The following IL1RAPL1 variants were observed in gnomAD, a reference collection of about 807,000 sequenced individuals.
The protein encoded by IL1RAPL1 is interleukin 1 receptor accessory protein like 1, also known as interleukin-1 receptor accessory protein-like 1.
IL1RAPL1 carries 3 observed loss-of-function variants against 48.4 expected under a neutral mutation model. The observed-to-expected ratio is 0.06, with a 90% CI of 0.03 to 0.16. The LOEUF is 0.16. Among genes scored for constraint, IL1RAPL1 ranks in the 10% least tolerant of loss-of-function variants. The pLI is 1.00. For missense variants in IL1RAPL1, 349 were observed against 530.6 expected (o/e 0.66, Z 3.36); for synonymous variants, 185 against 187.7 (o/e 0.99, Z 0.12).
intron 6 of IL1RAPL1, among the ~76,000 whole-genome samples, chrX:29,910,992 C>T (rs899687576): frequency 2.7e-5 from 3 of 111,441 alleles, no homozygotes; most frequent in African/African-American, 9.8e-5. Flanking sequence ...ATAAGATTCT[C>T]TTATGGCCTA....
chrX:29,892,408 A>C (rs1932289968), intron 6 of IL1RAPL1, among the ~76,000 whole-genome samples: 1 of 112,539 alleles, frequency 8.9e-6, no homozygotes, highest in African/African-American at 3.2e-5. Context: ...CCTTGAAGCT[A>C]AAATAACAAG....
chrX:29,006,204 T>A (rs2147391427), intron 2 of IL1RAPL1, among the ~76,000 whole-genome samples: 1 of 110,995 alleles, frequency 9.0e-6, no homozygotes, highest in African/African-American at 3.3e-5. Context: ...TTCTTCTTGT[T>A]ACATTTTTGT....
intron 1 of IL1RAPL1, among the ~76,000 whole-genome samples, chrX:28,723,899 C>T (rs1251378888): frequency 2.7e-5 from 3 of 111,719 alleles, no homozygotes; most frequent in African/African-American, 6.5e-5. Context: ...TGTAGTTGGG[C>T]GATTTTGAGT....
chrX:29,926,045 A>G (rs12848050), intron 8 of IL1RAPL1, among the ~76,000 whole-genome samples: 9 of 105,474 alleles, frequency 8.5e-5, no homozygotes, highest in African/African-American at 3.2e-4. Context: ...GTCTCGCTCT[A>G]TCGCACAGGC....
intron 6 of IL1RAPL1, among the ~76,000 whole-genome samples, chrX:29,859,558 T>C (rs1357815209): frequency 1.8e-5 from 2 of 112,181 alleles, no homozygotes; most frequent in Non-Finnish European, 3.8e-5. Context: ...GATGCTGTGA[T>C]AGCATGAATT....
chrX:29,861,621 T>G (rs750019618), intron 6 of IL1RAPL1, among the ~76,000 whole-genome samples: 5 of 110,591 alleles, frequency 4.5e-5, no homozygotes, highest in Admixed American at 1.9e-4. Flanking sequence ...GACGGGTGCA[T>G]CAAAATCTCA....
intron 6 of IL1RAPL1, among the ~76,000 whole-genome samples, chrX:29,779,886 T>C (rs888362177): frequency 9.0e-6 from 1 of 111,320 alleles, no homozygotes; most frequent in African/African-American, 3.3e-5. Flanking sequence ...TTAGAATGCC[T>C]TTTAGCGGGC....
intron 2 of IL1RAPL1, among the ~76,000 whole-genome samples, chrX:28,970,015 A>G (rs1925029903): frequency 9.0e-6 from 1 of 110,750 alleles, no homozygotes; most frequent in Non-Finnish European, 1.9e-5. Context: ...ACATATATAT[A>G]TAAAGATAAA....
At chrX:29,475,291 G>A (rs1934961128) in intron 5 of IL1RAPL1, among the ~76,000 whole-genome samples, 1 of 112,037 alleles carries the variant, frequency 8.9e-6, no homozygotes, top group South Asian at 3.7e-4. Flanking sequence ...CTTGAGACAA[G>A]TATGTAGGAT....
intron 1 of IL1RAPL1, among the ~76,000 whole-genome samples, chrX:28,684,548 T>C (rs1257716016): frequency 8.9e-6 from 1 of 112,242 alleles, no homozygotes; most frequent in East Asian, 2.8e-4. Context: ...TGAATTCCTA[T>C]ACTTTCTTGC....
At chrX:29,563,131 A>T (rs1922294909) in intron 5 of IL1RAPL1, among the ~76,000 whole-genome samples, 2 of 112,301 alleles carry the variant, frequency 1.8e-5, no homozygotes, top group Admixed American at 1.9e-4. Context: ...CTACCTAAGT[A>T]CAAAATAGAG....
intron 6 of IL1RAPL1, among the ~76,000 whole-genome samples, chrX:29,724,296 C>T (rs1015146009): frequency 2.7e-5 from 3 of 111,296 alleles, no homozygotes; most frequent in African/African-American, 9.8e-5. Flanking sequence ...ACCACTCCCT[C>T]AGGAAATCTC....
At chrX:29,853,373 A>C (rs1931413401) in intron 6 of IL1RAPL1, among the ~76,000 whole-genome samples, 1 of 109,914 alleles carries the variant, frequency 9.1e-6, no homozygotes, top group East Asian at 2.9e-4. Flanking sequence ...ATCATAGATC[A>C]CTTGAGCTCA....
intron 3 of IL1RAPL1, among the ~76,000 whole-genome samples, chrX:29,288,643 T>C (rs1932324169): frequency 8.9e-6 from 1 of 112,462 alleles, no homozygotes; most frequent in South Asian, 3.7e-4. Context: ...ATCTTTATAA[T>C]AGAATGATTT....
intron 6 of IL1RAPL1, among the ~76,000 whole-genome samples, chrX:29,782,129 T>TCTAA (rs1929358392): frequency 9.2e-6 from 1 of 109,138 alleles, no homozygotes; most frequent in South Asian, 3.9e-4. Flanking sequence ...TATCTATCTA[T>TCTAA]CTATCTATCT....
chrX:28,971,678 C>T (rs1397925286), intron 2 of IL1RAPL1, among the ~76,000 whole-genome samples: 1 of 110,480 alleles, frequency 9.1e-6, no homozygotes, highest in African/African-American at 3.3e-5. Flanking sequence ...AAAAATGTAA[C>T]CTAGGATTTG....
At chrX:29,627,682 C>T (rs1031786876) in intron 5 of IL1RAPL1, among the ~76,000 whole-genome samples, 12 of 111,535 alleles carry the variant, frequency 1.1e-4, no homozygotes, top group African/African-American at 3.3e-4. Context: ...AAGCCATTCT[C>T]AGCCCCATCT....
rs866688422 is a variant in IL1RAPL1, at chrX:29,006,645, A to G, written c.82+217220A>G. On this transcript the variant is annotated intron_variant, in intron 2 of 10. Coordinates refer to ENST00000378993, the MANE Select transcript of IL1RAPL1 (RefSeq NM_014271.4). ...TGCCCACATTTGTGTGTGTTTATAT[A>G]TATGTGTGTGTGTGTGTGTGTGTGT... is the stretch of plus-strand genomic sequence containing the variant. Among the ~76,000 whole-genome samples the G allele has an allele frequency of 4.4e-3, 353 of 80,056 alleles. 1 individual carries two copies. Among genetic ancestry groups the G allele is most frequent in the South Asian group, 0.021 (24 of 1,149 alleles). The allele number at this position is 80,056 out of a possible 115,157, so 69.5% of individuals were successfully genotyped here.
chrX:28,973,492 A>G (rs1402087094), intron 2 of IL1RAPL1, among the ~76,000 whole-genome samples: 1 of 112,138 alleles, frequency 8.9e-6, no homozygotes, highest in East Asian at 2.8e-4. Context: ...CGATTTTCCA[A>G]TATAACTTAT....
Sources: allele counts gnomAD v4.1 joint callset (sites outside exome capture counted in the v4.1 genomes callset), GRCh38; gene constraint gnomAD v4.1.1; transcripts MANE v1.5; gene names NCBI Gene and HGNC (gene_info 2026-07-23, HGNC 2026-07-21).